EVPL: variants seen among roughly 807,000 people sequenced by gnomAD.
EVPL encodes the protein 210 kDa cornified envelope precursor protein.
Under a neutral mutation model 129.7 loss-of-function variants are expected in EVPL, and 94 were observed. That is an observed-to-expected ratio of 0.72 (90% CI 0.61 to 0.86). The LOEUF (loss-of-function observed/expected upper bound fraction) is 0.86. Among genes scored for constraint, EVPL ranks in the 40% least tolerant of loss-of-function variants. EVPL has a pLI of 0.00. For synonymous variants in EVPL, 1,172 were observed against 1,191.1 expected (o/e 0.98, Z 0.33); for missense variants, 2,625 against 2,721.1 (o/e 0.96, Z 0.79).
rs1308431226 is a variant in EVPL, at chr17:76,021,964, C to T, written c.710G>A (p.Arg237Gln). The T allele has an allele frequency of 2.6e-6, 4 of 1,560,292 alleles. No individual in the cohort carries two copies. The highest frequency in any genetic ancestry group is 3.4e-6 in the Non-Finnish European group (4 of 1,160,438). ...SLYTHLQGCTRQLSALAEQQR... is the reference protein window; with the variant it reads ...SLYTHLQGCTQQLSALAEQQR... ...CTGCTCAGCCAGGGCGCTCAGCTGCCGCGTGCAGCCCTGGAGGTGCGTGTA... is the reference window on the plus strand; with the variant it reads ...CTGCTCAGCCAGGGCGCTCAGCTGCTGCGTGCAGCCCTGGAGGTGCGTGTA... The change falls in exon 7 of 22, where the codon CGG becomes CAG. Residue 237 changes from arginine to glutamine, a missense_variant. Arg to Gln is a conservative substitution (Grantham distance 43). Around this residue, in one of 4 missense-constraint regions of EVPL, gnomAD observed 1,024 missense variants for 997.5 expected, o/e 1.03. Coordinates refer to ENST00000301607, the MANE Select transcript of EVPL (RefSeq NM_001988.4).
intron 14 of EVPL, 68 bp downstream of exon 14, chr17:76,017,671 C>T (rs1332481214): frequency 2.6e-6 from 4 of 1,564,858 alleles, no homozygotes; most frequent in Non-Finnish European, 3.4e-6. Context: ...TGCCTCACCT[C>T]CCTCAAGTGT....
chr17:76,022,517 A>C lies in EVPL; in HGVS notation c.502T>G (p.Tyr168Asp). Residue 168 changes from tyrosine to aspartate, a missense_variant, in exon 5 of 22, where the codon TAC (tyrosine) becomes GAC (aspartate). Transcript: ENST00000301607. This position sits in a 1 kb window ranked among gnomAD's most constrained non-coding sequence, Gnocchi z 5.6. ...QKQKQVCAGQ[Y>D]GPGMAELEQQ... is the part of the protein sequence containing the mutation. ...TCCAGCTCCGCCATGCCCGGCCCGTACTGGCCTGCGCAGACCTGCTTCTGC... is the reference window on the plus strand; with the variant it reads ...TCCAGCTCCGCCATGCCCGGCCCGTCCTGGCCTGCGCAGACCTGCTTCTGC... 1 of 1,609,048 alleles carries C rather than the reference A, an allele frequency of 6.2e-7. No individual in the cohort carries two copies. Among genetic ancestry groups the C allele is most frequent in the Non-Finnish European group, 8.5e-7 (1 of 1,178,258 alleles).
rs111541989 is a variant in EVPL at position 76,022,124 on chromosome 17, G to C, written c.645+65C>G. The C allele has an allele frequency of 1.7e-3, 2,681 of 1,597,670 alleles. 36 individuals carry two copies. In the African/African-American group the frequency reaches 0.03, roughly 18 times the overall value. On this transcript the variant is annotated intron_variant, in intron 6 of 21. Coordinates refer to ENST00000301607, the MANE Select transcript of EVPL (RefSeq NM_001988.4). The surrounding 1 kb of genome is among the most constrained non-coding windows in gnomAD (Gnocchi z 5.6). ...CCGCGCTCAGGAACACTGGCCCCGG[G>C]CAGGGTCCGGGCGGCCACCCAGGCC...
chr17:76,012,026 C>A lies in EVPL; in HGVS notation c.2437G>T (p.Ala813Ser). ...CTTACCTGGAGCGCTGCCTGCAGGG[C>A]CTGGGAGAGGTGGGATGCTGTGGCC... ...DRATASHLSQ[A>S]LQAALQDYEL... The change falls in exon 19 of 22, where the codon GCC becomes TCC. Residue 813 changes from alanine to serine, a missense_variant. This residue lies in a region of EVPL where 1,024 missense variants were observed against 997.5 expected (regional missense o/e 1.03). Coordinates refer to ENST00000301607, the MANE Select transcript of EVPL (RefSeq NM_001988.4). The A allele has an allele frequency of 6.2e-7, 1 of 1,612,922 alleles. No homozygotes were observed. Among genetic ancestry groups the A allele is most frequent in the Non-Finnish European group, 8.5e-7 (1 of 1,179,708 alleles).
At position 76,015,058 on chromosome 17, in the gene EVPL, G is replaced by A. The variant is rs1211703569; in HGVS notation, c.2080C>T (p.Arg694Cys). Residue 694 changes from arginine (R) to cysteine (C), a missense_variant, in exon 17 of 22, where the codon CGC becomes TGC. Transcript: ENST00000301607. ...GCGTGCTCCGAGGCCTTCAGCGCGC[G>A]GTGTAGCCGCAGCACGCAGGTCTGC... ...EQQTCVLRLHRALKASEHACA... is the reference protein window; with the variant it reads ...EQQTCVLRLHCALKASEHACA... 5.0e-6 allele frequency: 8 copies of A among 1,586,128 alleles called. No individual in the cohort carries two copies. Among genetic ancestry groups the A allele is most frequent in the Non-Finnish European group, 6.8e-6 (8 of 1,169,766 alleles).
chr17:76,011,810 G>T lies in EVPL; in HGVS notation c.2530C>A (p.Pro844Thr). 1.9e-6 allele frequency: 3 copies of T among 1,612,512 alleles called. No individual in the cohort carries two copies. Among genetic ancestry groups the T allele is most frequent in the Non-Finnish European group, 2.5e-6 (3 of 1,179,476 alleles). ...CTCTCTTGCAGGGGAGCCACTCGGG[G>T]TCTCTTGGGGGCTGACACTGCCAGG... ...PTLAVSAPKR[P>T]RVAPLQESIQ... Residue 844 changes from proline to threonine, a missense_variant, in exon 20 of 22, where the codon CCC (proline) becomes ACC (threonine). Pro to Thr is a conservative substitution (Grantham distance 38, BLOSUM62 -1). Coordinates refer to ENST00000301607, the MANE Select transcript of EVPL (RefSeq NM_001988.4).
chr17:76,010,316 G>T lies in EVPL; in HGVS notation c.2889C>A (p.Tyr963Ter), dbSNP rs141153338. 1.8e-5 allele frequency: 29 copies of T among 1,613,756 alleles called. No homozygotes were observed. Among genetic ancestry groups the T allele is most frequent in the African/African-American group, 2.7e-5 (2 of 74,908 alleles). Residue 963 changes from tyrosine to a stop codon, truncating the protein, a stop_gained, in exon 22 of 22, where the codon TAC becomes TAA. Transcript: ENST00000301607. LOFTEE classifies it low-confidence loss of function (END_TRUNC). ...RLEEKEVVEF[Y>*]RDPQLEGSLS... The stretch of plus-strand genomic sequence containing the variant: ...GGCTGCCCTCCAGCTGGGGGTCCCG[G>T]TAGAACTCTACCACTTCCTTCTCCT...
chr17:76,021,911 T>C lies in EVPL; in HGVS notation c.763A>G (p.Ser255Gly). The change falls in exon 7 of 22, where the codon AGC becomes GGC. Residue 255 changes from serine (S) to glycine (G), a missense_variant. By Grantham distance (56) the Ser-to-Gly change is moderately conservative. Coordinates refer to ENST00000301607, the MANE Select transcript of EVPL (RefSeq NM_001988.4). Reference sequence around the variant, plus strand: ...CCCGCAGGGTCGGCCATGAGGTCGCTCCAGTCCTGCTGCAGGATGCGGCGC... The same window carrying C: ...CCCGCAGGGTCGGCCATGAGGTCGCCCCAGTCCTGCTGCAGGATGCGGCGC... ...QQRRILQQDW[S>G]DLMADPAGVR... 6.4e-7 allele frequency: 1 copy of C among 1,561,364 alleles called. No homozygotes were observed. The highest frequency in any genetic ancestry group is 8.6e-7 in the Non-Finnish European group (1 of 1,160,720).
intron 1 of EVPL, among the ~76,000 whole-genome samples, chr17:76,026,082 C>T (rs2066496350): frequency 6.6e-6 from 1 of 152,030 alleles, no homozygotes; most frequent in South Asian, 2.1e-4. Context: ...GCTCTGACTA[C>T]AGGCATGCGC....
chr17:76,026,195 C>T (rs986763944), intron 1 of EVPL, among the ~76,000 whole-genome samples: 13 of 151,030 alleles, frequency 8.6e-5, no homozygotes, highest in Non-Finnish European at 1.8e-4. Flanking sequence ...CTACCCGCCT[C>T]GGCCTCCCAA....
Position 76,010,391 on chromosome 17 carries a change from C to T in EVPL, c.2814G>A (p.Gln938=). ...VARVQHELEA[Q]RSQLLQLRTQ... is the part of the protein sequence containing the mutation. The stretch of plus-strand genomic sequence containing the variant: ...TCCTCAGCTGCAGCAGTTGGCTCCT[C>T]TGCGCCTCCAGCTCATGCTGCACCC... Residue 938 remains glutamine (Q), a synonymous_variant, in exon 22 of 22, where the codon CAG becomes CAA. Coordinates refer to ENST00000301607, the MANE Select transcript of EVPL (RefSeq NM_001988.4). 6.2e-7 allele frequency: 1 copy of T among 1,614,028 alleles called. No homozygotes were observed. Among genetic ancestry groups the T allele is most frequent in the Non-Finnish European group, 8.5e-7 (1 of 1,180,022 alleles).
At position 76,009,995 on chromosome 17, in the gene EVPL, C is replaced by G. The variant is rs144066881; in HGVS notation, c.3210G>C (p.Val1070=). 4.0e-4 allele frequency: 639 copies of G among 1,613,710 alleles called. 4 individuals are homozygous for G. In the African/African-American group the frequency reaches 8.0e-3, roughly 20 times the overall value. ...LLALEKREVD[V]KEKVVVKEVV... ...CCTCTTTCACCACGACCTTCTCCTT[C>G]ACGTCCACCTCCCTCTTCTCAAGGG... is the stretch of plus-strand genomic sequence containing the variant. Residue 1070 remains valine, a synonymous_variant, in exon 22 of 22, where the codon GTG becomes GTC. Transcript: ENST00000301607. The surrounding 1 kb of genome is among the most constrained non-coding windows in gnomAD (Gnocchi z 5.9).
rs367578925 is a variant in EVPL, at chr17:76,013,352, G to A, written c.2373+1074C>T. Among the ~76,000 whole-genome samples the A allele has an allele frequency of 6.6e-5, 10 of 152,234 alleles. No individual in the cohort carries two copies. The highest frequency in any genetic ancestry group is 2.4e-4 in the African/African-American group (10 of 41,522). On this transcript the variant is annotated intron_variant, in intron 18 of 21. Transcript: ENST00000301607. This position sits in a 1 kb window ranked among gnomAD's most constrained non-coding sequence, Gnocchi z 4.3. ...ATATTCTCATTTTCCGGCAGTCCCA[G>A]ACCCATCTTTGCTCTCACGAGCTCC...
chr17:76,013,825 C>G lies in EVPL; in HGVS notation c.2373+601G>C, dbSNP rs895029353. Reference sequence around the variant, plus strand: ...CTTCTAAACACTGGCCTGGAAGCATCCCCTCCCCAGCAGCTTCTGGGGGCT... The same window carrying G: ...CTTCTAAACACTGGCCTGGAAGCATGCCCTCCCCAGCAGCTTCTGGGGGCT... On this transcript the variant is annotated intron_variant, in intron 18 of 21. Coordinates refer to ENST00000301607, the MANE Select transcript of EVPL (RefSeq NM_001988.4). The surrounding 1 kb of genome is among the most constrained non-coding windows in gnomAD (Gnocchi z 4.3). Among the ~76,000 whole-genome samples the G allele has an allele frequency of 6.6e-6, 1 of 152,158 alleles. No individual in the cohort carries two copies. The highest frequency in any genetic ancestry group is 2.1e-4 in the South Asian group (1 of 4,834).
chr17:76,008,403 G>T lies in EVPL; in HGVS notation c.4802C>A (p.Ala1601Asp). The change falls in exon 22 of 22, where the codon GCT becomes GAT. Residue 1601 changes from alanine (A) to aspartate (D), a missense_variant. Coordinates refer to ENST00000301607, the MANE Select transcript of EVPL (RefSeq NM_001988.4). The surrounding 1 kb of genome is among the most constrained non-coding windows in gnomAD (Gnocchi z 7.4). ...ECGRLQQELR[A>D]LERQKQQQTL... is the part of the protein sequence containing the mutation. ...CTGCTGCTGCTTCTGCCTCTCCAGAGCCCGCAGCTCCTGCTGCAGCCGCCC... is the reference window on the plus strand; with the variant it reads ...CTGCTGCTGCTTCTGCCTCTCCAGATCCCGCAGCTCCTGCTGCAGCCGCCC... The T allele has an allele frequency of 6.3e-7, 1 of 1,594,004 alleles. No individual in the cohort carries two copies. The highest frequency in any genetic ancestry group is 8.5e-7 in the Non-Finnish European group (1 of 1,176,040).
rs566701404 is a variant in EVPL, at chr17:76,022,190, A to C, written c.644T>G (p.Leu215Arg). 5.1e-5 allele frequency: 83 copies of C among 1,611,854 alleles called. 2 individuals are homozygous for C. The East Asian group carries it at 1.4e-3, about 28-fold the overall frequency. Residue 215 changes from leucine to arginine, a missense_variant and splice_region_variant, in exon 6 of 22, where the codon CTG (leucine) becomes CGG (arginine). Coordinates refer to ENST00000301607, the MANE Select transcript of EVPL (RefSeq NM_001988.4). The surrounding 1 kb of genome is among the most constrained non-coding windows in gnomAD (Gnocchi z 5.6). ...ATIRSQYRDLLKAASWRGQSL... is the reference protein window; with the variant it reads ...ATIRSQYRDLRKAASWRGQSL... ...TGCCCGACCCTCCCTCCTGCTCACC[A>C]GTAGGTCTCGGTATTGGCTCCGGAT... is the stretch of plus-strand genomic sequence containing the variant.
In EVPL at chr17:76,006,885, G is replaced by A; in HGVS notation, c.*218C>T. ...ATTCGTTTATTGGGATCACTGGGTG[G>A]AGGTGGAGGAAGAACTGAGTGGCTG... On this transcript the variant is annotated 3_prime_UTR_variant, in exon 22 of 22. Transcript: ENST00000301607. 2.3e-6 allele frequency: 1 copy of A among 425,784 alleles called. No homozygotes were observed. Among genetic ancestry groups the A allele is most frequent in the Non-Finnish European group, 4.0e-6 (1 of 249,272 alleles). 26.4% of individuals were successfully genotyped at this position (425,784 alleles called of 1,614,324 possible).
In EVPL at chr17:76,018,525, C is replaced by G. The variant is rs1329366152; in HGVS notation, c.1360G>C (p.Gly454Arg). Residue 454 changes from glycine (G) to arginine (R), a missense_variant, in exon 12 of 22, where the codon GGC (glycine) becomes CGC (arginine). By Grantham distance (125) the Gly-to-Arg change is moderately radical. This residue lies in a region of EVPL where 1,024 missense variants were observed against 997.5 expected (regional missense o/e 1.03). Coordinates refer to ENST00000301607, the MANE Select transcript of EVPL (RefSeq NM_001988.4). The stretch of plus-strand genomic sequence containing the variant: ...GCGGGAGCACGCTTGGTCTCCCCGC[C>G]AGGGCCCTGCACGACCCAGGCGTGC... ...DPHAWVVQGP[G>R]GETKRAPAAC... The G allele has an allele frequency of 6.2e-7, 1 of 1,612,790 alleles. No individual in the cohort carries two copies. Among genetic ancestry groups the G allele is most frequent in the East Asian group, 2.2e-5 (1 of 44,870 alleles).
In EVPL at chr17:76,026,643, C is replaced by T. The variant is rs1298669075; in HGVS notation, c.98+458G>A. On this transcript the variant is annotated intron_variant, in intron 1 of 21. Transcript: ENST00000301607. ...GATCCCACCCCGTCCCCTCAGTCCT[C>T]ATGCCCTGTACCCAGGCTCCAGGGG... Among the ~76,000 whole-genome samples the T allele has an allele frequency of 2.6e-5, 4 of 152,188 alleles. No individual in the cohort carries two copies. The East Asian group carries it at 7.7e-4, about 29-fold the overall frequency.
Sources: gnomAD v4.1 joint callset for allele counts (sites outside exome capture counted in the v4.1 genomes callset) on GRCh38, gnomAD v4.1.1 for gene constraint, gnomAD v4.1.1 regional missense constraint, Gnocchi (gnomAD v3.1) non-coding constraint, MANE v1.5 for transcripts, NCBI Gene and HGNC (gene_info 2026-07-23, HGNC 2026-07-21) for gene names.